Variants in COL22A1 observed in about 807,000 individuals in gnomAD.
COL22A1 encodes the protein collagen type XXII alpha 1 chain, also known as collagen alpha-1(XXII) chain.
A neutral mutation model predicts 248.9 loss-of-function variants in COL22A1; 221 were observed. The observed-to-expected ratio is 0.89, with a 90% CI of 0.80 to 0.99. The LOEUF is 0.99. COL22A1 is among the 50% of genes least tolerant of loss of function. The probability of loss-of-function intolerance (pLI) is 0.00; values close to 1 mark genes in which losing one functional copy is unlikely to be tolerated. For synonymous variants in COL22A1, 891 were observed against 793.4 expected (o/e 1.12, Z -2.07); for missense variants, 2,240 against 2,179.0 (o/e 1.03, Z -0.56).
chr8:138,860,586 T>C (rs1050260667), intron 3 of COL22A1, among the ~76,000 whole-genome samples: 1 of 152,158 alleles, frequency 6.6e-6, no homozygotes, highest in Non-Finnish European at 1.5e-5. Context: ...GGCGAGCAAA[T>C]TGCTTGAGCC....
At chr8:138,618,600 A>G (rs374801080) in intron 53 of COL22A1, among the ~76,000 whole-genome samples, 17 of 152,182 alleles carry the variant, frequency 1.1e-4, no homozygotes, top group African/African-American at 4.1e-4. Flanking sequence ...AGAGAACAGA[A>G]AATTTATTTT....
At chr8:138,675,094 A>G (rs1272259316) in intron 41 of COL22A1, among the ~76,000 whole-genome samples, 5 of 152,202 alleles carry the variant, frequency 3.3e-5, no homozygotes, top group Admixed American at 3.3e-4. Flanking sequence ...ATCTAAGAAG[A>G]CACAGAGCTA....
rs375106110 is a variant in COL22A1, at chr8:138,619,584, C to T, written c.3772-76G>A. On this transcript the variant is annotated intron_variant, in intron 52 of 64. Transcript: ENST00000303045. ...TCCTATTCCTGGCTCTCTGTGTTTC[C>T]TACCAATCTATTCCCACAAGCCAGT... 5.0e-6 allele frequency: 7 copies of T among 1,398,584 alleles called. No individual in the cohort carries two copies. The East Asian group carries it at 6.9e-5, about 14-fold the overall frequency. The allele number at this position is 1,398,584 out of a possible 1,614,324, so 86.6% of individuals were successfully genotyped here.
chr8:138,705,538 A>G (rs989034715), intron 30 of COL22A1, among the ~76,000 whole-genome samples: 1 of 152,220 alleles, frequency 6.6e-6, no homozygotes, highest in African/African-American at 2.4e-5. Context: ...ACTAAGCTTC[A>G]TAAGTGAAGG....
At chr8:138,885,117 A>G (rs7814168) in intron 1 of COL22A1, among the ~76,000 whole-genome samples, 146,968 of 152,258 alleles carry the variant, frequency 0.97, 70,983 homozygotes, top group East Asian at 1. Context: ...AGCCCTGCCT[A>G]CCCACTGTGC....
intron 37 of COL22A1, among the ~76,000 whole-genome samples, chr8:138,685,899 G>A (rs1279058841): frequency 1.3e-5 from 2 of 152,112 alleles, no homozygotes; most frequent in Admixed American, 1.3e-4. Flanking sequence ...GAAAAGGAAA[G>A]GACGTTAGTG....
intron 10 of COL22A1, among the ~76,000 whole-genome samples, chr8:138,806,111 T>A (rs1165980430): frequency 2.0e-5 from 3 of 148,808 alleles, no homozygotes; most frequent in Non-Finnish European, 4.5e-5. Flanking sequence ...TGTGTTTGTG[T>A]GTGATGGTGT....
chr8:138,734,905 C>CAGG (rs1830991543), intron 23 of COL22A1, among the ~76,000 whole-genome samples: 2 of 152,138 alleles, frequency 1.3e-5, no homozygotes, highest in Non-Finnish European at 2.9e-5. Flanking sequence ...TCTCAGCAAA[C>CAGG]TAACACTGGA....
At chr8:138,836,586 C>T (rs9650564) in intron 4 of COL22A1, among the ~76,000 whole-genome samples, 80,882 of 151,966 alleles carry the variant, frequency 0.53, 22,317 homozygotes, top group East Asian at 0.66. Context: ...GATAAACATG[C>T]GGCATGGACA....
At chr8:138,692,805 G>A (rs1587881111) in intron 35 of COL22A1, among the ~76,000 whole-genome samples, 2 of 152,140 alleles carry the variant, frequency 1.3e-5, no homozygotes, top group Middle Eastern at 3.4e-3. Flanking sequence ...TGGAACCAGG[G>A]CTCTCTCCAC....
At chr8:138,739,974 C>G (rs1399558620) in intron 22 of COL22A1, among the ~76,000 whole-genome samples, 1 of 152,176 alleles carries the variant, frequency 6.6e-6, no homozygotes, top group Non-Finnish European at 1.5e-5. Context: ...GACAGCCAAG[C>G]CTTGGAGGCA....
At chr8:138,690,135 C>G (rs1564196903) in intron 36 of COL22A1, among the ~76,000 whole-genome samples, 1 of 152,222 alleles carries the variant, frequency 6.6e-6, no homozygotes, top group Non-Finnish European at 1.5e-5. Context: ...GTCCTCTAAG[C>G]TACTATGCTT....
chr8:138,647,863 A>G (rs1822348358), intron 46 of COL22A1, among the ~76,000 whole-genome samples: 1 of 152,186 alleles, frequency 6.6e-6, no homozygotes, highest in Non-Finnish European at 1.5e-5. Context: ...ACTGATCTAA[A>G]CATCTCCCTA....
At chr8:138,816,497 A>C (rs1818700933) in intron 7 of COL22A1, among the ~76,000 whole-genome samples, 1 of 152,110 alleles carries the variant, frequency 6.6e-6, no homozygotes. Context: ...TATCCCACCC[A>C]TCAGCAGCTT....
chr8:138,663,183 T>C (rs1587803825), intron 42 of COL22A1, among the ~76,000 whole-genome samples: 1 of 152,336 alleles, frequency 6.6e-6, no homozygotes, highest in African/African-American at 2.4e-5. Context: ...ATTTTCCCAG[T>C]AAATGCACGC....
At chr8:138,890,751 G>A (rs1285740645) in intron 1 of COL22A1, among the ~76,000 whole-genome samples, 2 of 152,110 alleles carry the variant, frequency 1.3e-5, no homozygotes, top group African/African-American at 2.4e-5. Context: ...AGTGGCTCAT[G>A]CCTGTAATCC....
chr8:138,784,956 T>A (rs973132399), intron 12 of COL22A1, among the ~76,000 whole-genome samples: 7 of 152,178 alleles, frequency 4.6e-5, no homozygotes, highest in Non-Finnish European at 7.3e-5. Flanking sequence ...CGAACTCACA[T>A]CAGTTCCCTG....
Position 138,755,787 on chromosome 8 carries a change from C to G in COL22A1, c.1945G>C (p.Val649Leu), listed in dbSNP as rs1832948300. 6.2e-7 allele frequency: 1 copy of G among 1,614,064 alleles called. No homozygotes were observed. Among genetic ancestry groups the G allele is most frequent in the Non-Finnish European group, 8.5e-7 (1 of 1,180,010 alleles). The stretch of plus-strand genomic sequence containing the variant: ...GATTCCAACCACTGCTGACTCACCA[C>G]TGAGCCTGGTACACCAGGTGGCCCC... ...PAGPPGVPGS[V>L]VQQEGLKGEQ... is the part of the protein sequence containing the mutation. The change falls in exon 19 of 65, where the codon GTG becomes CTG. Residue 649 changes from valine (V) to leucine (L), a missense_variant and splice_region_variant. Coordinates refer to ENST00000303045, the MANE Select transcript of COL22A1 (RefSeq NM_152888.3).
Position 138,775,959 on chromosome 8 carries a change from T to A in COL22A1, c.1803+7A>T. 2 of 1,613,992 alleles carry A rather than the reference T, an allele frequency of 1.2e-6. No individual in the cohort carries two copies. Among genetic ancestry groups the A allele is most frequent in the Non-Finnish European group, 1.7e-6 (2 of 1,179,858 alleles). ...CGTATTGATGAATGAGTGCAGACTA[T>A]AAATACCTTTTCTCCTCGAGTTCCC... On this transcript the variant is annotated splice_region_variant and intron_variant, in intron 16 of 64. Coordinates refer to ENST00000303045, the MANE Select transcript of COL22A1 (RefSeq NM_152888.3).
Sources: allele counts gnomAD v4.1 joint callset (sites outside exome capture counted in the v4.1 genomes callset), GRCh38; gene constraint gnomAD v4.1.1; transcripts MANE v1.5; gene names NCBI Gene and HGNC (gene_info 2026-07-23, HGNC 2026-07-21).